The following PTPRN2 variants were observed in gnomAD, a reference collection of about 807,000 sequenced individuals.
The protein encoded by PTPRN2 is receptor-type tyrosine-protein phosphatase N2.
PTPRN2 carries 74 observed loss-of-function variants against 118.8 expected under a neutral mutation model. The ratio of observed to expected loss-of-function variants is 0.62; its 90% CI spans 0.52 to 0.76. The LOEUF is 0.76. Ranked by LOEUF, PTPRN2 falls within the 30% of genes least tolerant of loss-of-function variation. The pLI is 0.00. For synonymous variants in PTPRN2, 641 were observed against 608.0 expected, an observed-to-expected ratio of 1.05 and a Z score of -0.80; for missense variants, 1,481 against 1,394.4, an observed-to-expected ratio of 1.06 and a Z score of -0.99.
intron 3 of PTPRN2, among the ~76,000 whole-genome samples, chr7:158,245,565 T>C (rs868196569): frequency 3.3e-5 from 5 of 152,154 alleles, no homozygotes; most frequent in African/African-American, 1.2e-4. Context: ...CAGGTCTCCT[T>C]GCCGAGAGTG....
chr7:158,451,661 G>A (rs1013523326), intron 2 of PTPRN2, among the ~76,000 whole-genome samples: 1 of 152,164 alleles, frequency 6.6e-6, no homozygotes, highest in Admixed American at 6.5e-5. Context: ...AACTTGAAGG[G>A]TGTTTAGAAC....
chr7:158,034,453 A>G (rs1807940605), intron 11 of PTPRN2, among the ~76,000 whole-genome samples: 1 of 152,204 alleles, frequency 6.6e-6, no homozygotes, highest in South Asian at 2.1e-4. Context: ...TAGGTCTCAC[A>G]AGATCTGGTG....
chr7:157,788,101 C>T lies in PTPRN2; in HGVS notation c.1789-105164G>A, dbSNP rs185591222. ...AGTAAAAAGCAGGGAAGAGGCTGGG[C>T]GCGGTGGCTCATGCCTGTAATCCCA... is the stretch of plus-strand genomic sequence containing the variant. On this transcript the variant is annotated intron_variant, in intron 12 of 22. Transcript: ENST00000389418. Among the ~76,000 whole-genome samples, 1,145 of 152,314 alleles carry T rather than the reference C, an allele frequency of 7.5e-3. 13 individuals are homozygous for T. Among genetic ancestry groups the T allele is most frequent in the African/African-American group, 0.026 (1,073 of 41,560 alleles).
chr7:158,167,431 G>A (rs1370199484), intron 5 of PTPRN2, 140 bp from the exon 6 acceptor site: 6 of 1,142,378 alleles, frequency 5.3e-6, no homozygotes, highest in African/African-American at 1.5e-5. Flanking sequence ...TCAGGTTCAA[G>A]GTCCTAAACA....
chr7:158,217,379 C>G lies in PTPRN2; in HGVS notation c.278-12106G>C, dbSNP rs6963679. The stretch of plus-strand genomic sequence containing the variant: ...TCGGCCCTATGAAAAAATTCAGAAA[C>G]AAAGCCAATCAACTATATCCAACTT... On this transcript the variant is annotated intron_variant, in intron 3 of 22. Transcript: ENST00000389418. Among the ~76,000 whole-genome samples, 780 of 152,328 alleles carry G rather than the reference C, an allele frequency of 5.1e-3. 8 individuals are homozygous for G. Among genetic ancestry groups the G allele is most frequent in the African/African-American group, 0.018 (745 of 41,582 alleles).
chr7:158,488,840 C>T lies in PTPRN2; in HGVS notation c.163+895G>A, dbSNP rs540527056. ...AGGCCTCGCTCAGTGCGCCCCGGGC[C>T]CACACGCAGCCCCTGACTTGGAGAA... On this transcript the variant is annotated intron_variant, in intron 2 of 22. Transcript: ENST00000389418. Among the ~76,000 whole-genome samples the T allele has an allele frequency of 2.0e-5, 3 of 152,318 alleles. No homozygotes were observed. The South Asian group carries it at 6.2e-4, about 32-fold the overall frequency.
chr7:157,643,372 T>C (rs188528073), intron 14 of PTPRN2, among the ~76,000 whole-genome samples: 11 of 152,140 alleles, frequency 7.2e-5, no homozygotes, highest in African/African-American at 2.7e-4. Context: ...AAATAAAAAG[T>C]CAAATCACTC....
chr7:158,171,206 T>TATATATACACAC (rs1380060876), intron 5 of PTPRN2, among the ~76,000 whole-genome samples: 3 of 83,966 alleles, frequency 3.6e-5, no homozygotes, highest in African/African-American at 1.3e-4. Context: ...ATATATACAC[T>TATATATACACAC]ATATATACAC....
intron 2 of PTPRN2, among the ~76,000 whole-genome samples, chr7:158,391,387 C>A (rs532625668): frequency 1.3e-5 from 2 of 152,318 alleles, no homozygotes; most frequent in Admixed American, 1.3e-4. Context: ...CGGGCCCTGA[C>A]ACCCAGCTAT....
At chr7:157,670,914 T>A (rs960981155) in intron 13 of PTPRN2, among the ~76,000 whole-genome samples, 6 of 152,142 alleles carry the variant, frequency 3.9e-5, no homozygotes, top group African/African-American at 1.4e-4. Context: ...GGCAGCTGTT[T>A]TTTTTACAAG....
chr7:157,716,658 G>T (rs7798820), intron 12 of PTPRN2, among the ~76,000 whole-genome samples: 2,135 of 60,842 alleles, frequency 0.035, 686 homozygotes, highest in African/African-American at 0.23. Context: ...AGGGAACACT[G>T]CCTGGCCACG....
At chr7:158,235,629 A>G (rs989713815) in intron 3 of PTPRN2, among the ~76,000 whole-genome samples, 3 of 152,220 alleles carry the variant, frequency 2.0e-5, no homozygotes, top group Non-Finnish European at 4.4e-5. Flanking sequence ...GACATTGACT[A>G]ATGGCTACAA....
intron 11 of PTPRN2, among the ~76,000 whole-genome samples, chr7:158,025,209 C>A (rs187883257): frequency 1.4e-4 from 22 of 152,270 alleles, no homozygotes; most frequent in African/African-American, 4.6e-4. Flanking sequence ...AGCCGCGCCT[C>A]CTTGTCAGTG....
chr7:157,923,752 C>T (rs1798817189), intron 11 of PTPRN2, among the ~76,000 whole-genome samples: 1 of 152,152 alleles, frequency 6.6e-6, no homozygotes, highest in Non-Finnish European at 1.5e-5. Context: ...AAAGAGAAAT[C>T]TCTGCCTTTA....
intron 3 of PTPRN2, 48 bp downstream of exon 3, chr7:158,316,771 G>C: frequency 7.1e-7 from 1 of 1,403,050 alleles, no homozygotes; most frequent in Non-Finnish European, 9.7e-7. Flanking sequence ...AAGCCCGTGC[G>C]GTCGCTCAGT....
At chr7:157,952,064 C>T (rs1409097757) in intron 11 of PTPRN2, among the ~76,000 whole-genome samples, 1 of 152,226 alleles carries the variant, frequency 6.6e-6, no homozygotes, top group Non-Finnish European at 1.5e-5. Context: ...TGCCTGCTCT[C>T]CTTGTTCTGT....
At position 158,355,910 on chromosome 7, in the gene PTPRN2, G is replaced by A. The variant is rs112200012; in HGVS notation, c.164-38978C>T. Among the ~76,000 whole-genome samples the A allele has an allele frequency of 6.0e-3, 910 of 152,296 alleles. 9 individuals are homozygous for A. The highest frequency in any genetic ancestry group is 0.021 in the African/African-American group (880 of 41,566). Reference sequence around the variant, plus strand: ...GCCAAAGGCTGATGATGACCCTGCTGCCTCTCTGCTTATCTGCCCTCGAAA... The same window carrying A: ...GCCAAAGGCTGATGATGACCCTGCTACCTCTCTGCTTATCTGCCCTCGAAA... On this transcript the variant is annotated intron_variant, in intron 2 of 22. Transcript: ENST00000389418.
chr7:158,442,632 T>C (rs1284972942), intron 2 of PTPRN2, among the ~76,000 whole-genome samples: 4 of 152,226 alleles, frequency 2.6e-5, no homozygotes, highest in African/African-American at 9.7e-5. Context: ...TTTACCCGAA[T>C]GTTCTTCACC....
intron 2 of PTPRN2, among the ~76,000 whole-genome samples, chr7:158,386,721 G>A (rs117725060): frequency 6.6e-6 from 1 of 152,192 alleles, no homozygotes; most frequent in Non-Finnish European, 1.5e-5. Context: ...ACCTACCAGC[G>A]ATCAAGTTCA....
Sources: gnomAD v4.1 joint callset for allele counts (sites outside exome capture counted in the v4.1 genomes callset) on GRCh38, gnomAD v4.1.1 for gene constraint, MANE v1.5 for transcripts, NCBI Gene and HGNC (gene_info 2026-07-23, HGNC 2026-07-21) for gene names.